SLCO4A1: variants seen among roughly 807,000 people sequenced by gnomAD.
The protein encoded by SLCO4A1 is colon organic anion transporter.
A neutral mutation model predicts 64.6 loss-of-function variants in SLCO4A1; 51 were observed. The observed-to-expected ratio is 0.79, with a 90% CI of 0.63 to 1.00. The LOEUF (loss-of-function observed/expected upper bound fraction) is 1.00, where lower values mean the gene tolerates loss of function less well. SLCO4A1 is among the 50% of genes least tolerant of loss of function. The pLI, the probability that SLCO4A1 is intolerant of heterozygous loss-of-function variation, is 0.00. For missense variants in SLCO4A1, 919 were observed against 980.5 expected, an observed-to-expected ratio of 0.94 and a Z score of 0.84; for synonymous variants, 471 against 444.9, an observed-to-expected ratio of 1.06 and a Z score of -0.74.
At chr20:62,671,222 C>T (rs758304663) in intron 11 of SLCO4A1, among the ~76,000 whole-genome samples, 14 of 152,350 alleles carry the variant, frequency 9.2e-5, no homozygotes, top group Admixed American at 3.3e-4. Context: ...GACAAAGGAC[C>T]GCAAGCGGGG....
Position 62,645,782 on chromosome 20 carries a change from C to T in SLCO4A1, c.-97+3229C>T, listed in dbSNP as rs777625054. The stretch of plus-strand genomic sequence containing the variant: ...AGCCCAGATTCCTCTCCCTCCCACG[C>T]GCAGCCAGGCCCTTCCTGCCCACGG... On this transcript the variant is annotated intron_variant, in intron 1 of 11. Transcript: ENST00000217159. This position sits in a 1 kb window ranked among gnomAD's most constrained non-coding sequence, Gnocchi z 4.2. 1.3e-5 allele frequency among the ~76,000 whole-genome samples: 2 copies of T among 151,736 alleles called. No individual in the cohort carries two copies. The highest frequency in any genetic ancestry group is 2.9e-5 in the Non-Finnish European group (2 of 67,926).
At position 62,661,325 on chromosome 20, in the gene SLCO4A1, C is replaced by T. The variant is rs1984791003; in HGVS notation, c.1121+150C>T. 9.5e-6 allele frequency: 6 copies of T among 628,754 alleles called. No individual in the cohort carries two copies. Among genetic ancestry groups the T allele is most frequent in the South Asian group, 9.2e-5 (5 of 54,348 alleles). The allele number at this position is 628,754 out of a possible 1,614,324, so 38.9% of individuals were successfully genotyped here. A position where few individuals can be genotyped will look rare whatever the true frequency, so the allele number is the denominator to read the frequency against. On this transcript the variant is annotated intron_variant, in intron 5 of 11. Coordinates refer to ENST00000217159, the MANE Select transcript of SLCO4A1 (RefSeq NM_016354.4). The surrounding 1 kb of genome is among the most constrained non-coding windows in gnomAD (Gnocchi z 5.2). ...CCTGGGCCAAGAGATTAAGGAGCAA[C>T]AGATAGAGCCTCTGGGCCAGGGGCC...
downstream of SLCO4A1, chr20:62,672,363 G>T: frequency 1.2e-6 from 1 of 867,168 alleles, no homozygotes; most frequent in Non-Finnish European, 1.4e-6. Context: ...CTTGGCCCAC[G>T]TCCTGTAGTC....
At chr20:62,683,702 C>A (rs1365546652) in intron 2 of SLCO4A1, among the ~76,000 whole-genome samples, 4 of 152,204 alleles carry the variant, frequency 2.6e-5, no homozygotes, top group East Asian at 1.9e-4. Flanking sequence ...GAGCAACGGG[C>A]GACACCATGT....
intron 1 of SLCO4A1, among the ~76,000 whole-genome samples, chr20:62,647,225 A>T (rs773467444): frequency 2.0e-5 from 3 of 152,192 alleles, no homozygotes; most frequent in African/African-American, 7.2e-5. Context: ...TTGGAGATAG[A>T]GGAGAGAGTC....
chr20:62,643,196 G>T (rs1980708360), intron 1 of SLCO4A1: 1 of 353,434 alleles, frequency 2.8e-6, no homozygotes, highest in Non-Finnish European at 5.8e-6. Context: ...ACCACGCGAC[G>T]TCCTGGCCGT....
intron 1 of SLCO4A1, chr20:62,649,208 C>T (rs1403526712): frequency 5.3e-5 from 8 of 152,280 alleles, no homozygotes; most frequent in Non-Finnish European, 5.9e-5. Flanking sequence ...CCAAGAAGAG[C>T]TGGCATTTCA....
chr20:62,671,789 T>C lies in SLCO4A1; in HGVS notation c.2065T>C (p.Tyr689His), dbSNP rs1396817838. 26 of 1,613,572 alleles carry C rather than the reference T, an allele frequency of 1.6e-5. No homozygotes were observed. The highest frequency in any genetic ancestry group is 2.2e-5 in the East Asian group (1 of 44,896). The change falls in exon 12 of 12, where the codon TAC becomes CAC. Residue 689 changes from tyrosine to histidine, a missense_variant. Tyr to His is a moderately conservative substitution (Grantham distance 83). Coordinates refer to ENST00000217159, the MANE Select transcript of SLCO4A1 (RefSeq NM_016354.4). Reference sequence around the variant, plus strand: ...CTTCTTTGCCATAGCCTGCTTCTTATACAAGCCCCTGTCGGAGTCTTCAGA... The same window carrying C: ...CTTCTTTGCCATAGCCTGCTTCTTACACAAGCCCCTGTCGGAGTCTTCAGA... ...VLFFAIACFL[Y>H]KPLSESSDGL...
intron 2 of SLCO4A1, among the ~76,000 whole-genome samples, chr20:62,684,752 G>A (rs1198759616): frequency 6.6e-6 from 1 of 151,996 alleles, no homozygotes; most frequent in Non-Finnish European, 1.5e-5. Context: ...CCGCCAGGGC[G>A]ATCAGGGGTC....
At chr20:62,689,203 G>A (rs1401478423), downstream of SLCO4A1, among the ~76,000 whole-genome samples, 1 of 150,836 alleles carries the variant, frequency 6.6e-6, no homozygotes, top group Non-Finnish European at 1.5e-5. Flanking sequence ...CGCCTCATAG[G>A]CTTGTCCCTG....
At chr20:62,669,109 C>A in intron 11 of SLCO4A1, 31 bp downstream of exon 11, 1 of 1,599,892 alleles carries the variant, frequency 6.3e-7, no homozygotes, top group South Asian at 1.1e-5. Flanking sequence ...GACAGAGGGT[C>A]TGCTCTGAGG....
At chr20:62,649,415 T>C (rs138947431) in intron 1 of SLCO4A1, 4 of 152,440 alleles carry the variant, frequency 2.6e-5, no homozygotes, top group African/African-American at 9.6e-5. Context: ...CTTGGCTAAA[T>C]GTCTAGGCAC....
chr20:62,670,853 G>A (rs528499123), intron 11 of SLCO4A1, among the ~76,000 whole-genome samples: 1 of 152,228 alleles, frequency 6.6e-6, no homozygotes, highest in Admixed American at 6.5e-5. Context: ...GTCCTGCACC[G>A]AGTCAAAACA....
rs982828359 is a variant in SLCO4A1 at position 62,672,182 on chromosome 20, C to G, written c.*289C>G. ...GTGTGGTGTGCGTGAGGACAAACTCCGCAGGGGCTGTGAATCCCACTGGGA... is the reference window on the plus strand; with the variant it reads ...GTGTGGTGTGCGTGAGGACAAACTCGGCAGGGGCTGTGAATCCCACTGGGA... On this transcript the variant is annotated 3_prime_UTR_variant, in exon 12 of 12. Transcript: ENST00000217159. The G allele has an allele frequency of 3.8e-6, 5 of 1,315,588 alleles. No homozygotes were observed. In the African/African-American group the frequency reaches 4.5e-5, roughly 12 times the overall value. 81.5% of individuals were successfully genotyped at this position (1,315,588 alleles called of 1,614,324 possible).
chr20:62,676,064 C>T (rs1987577919), downstream of SLCO4A1, among the ~76,000 whole-genome samples: 4 of 152,312 alleles, frequency 2.6e-5, no homozygotes, highest in South Asian at 2.1e-4. Context: ...CAGCTGGAAA[C>T]GTCAAATTTT....
Position 62,661,118 on chromosome 20 carries a change from G to T in SLCO4A1, c.1064G>T (p.Ser355Ile). 1 of 1,592,880 alleles carries T rather than the reference G, an allele frequency of 6.3e-7. No homozygotes were observed. The highest frequency in any genetic ancestry group is 8.6e-7 in the Non-Finnish European group (1 of 1,166,416). Residue 355 changes from serine (S) to isoleucine (I), a missense_variant, in exon 5 of 12, where the codon AGC (serine) becomes ATC (isoleucine). Ser to Ile is a moderately radical substitution (Grantham distance 142). Transcript: ENST00000217159. This position sits in a 1 kb window ranked among gnomAD's most constrained non-coding sequence, Gnocchi z 5.2. ...RAAEMHQLKD[S>I]SRGEASNPDF... is the part of the protein sequence containing the mutation. The stretch of plus-strand genomic sequence containing the variant: ...GCGGAAATGCACCAGTTGAAGGACA[G>T]CAGCCGTGGGGAGGCGAGCAACCCG...
Position 62,664,923 on chromosome 20 carries a change from C to T in SLCO4A1, c.1122-11C>T, listed in dbSNP as rs112024334. The T allele has an allele frequency of 1.1e-3, 1,692 of 1,593,272 alleles. 15 individuals are homozygous for T. The African/African-American group carries it at 0.016, about 15-fold the overall frequency. On this transcript the variant is annotated splice_polypyrimidine_tract_variant and intron_variant, in intron 5 of 11. Coordinates refer to ENST00000217159, the MANE Select transcript of SLCO4A1 (RefSeq NM_016354.4). ...CCTCAGTCTCTTCTCCACACCCCCA[C>T]CTCTGCCCAGCTCCATCTGGCTCCT...
At chr20:62,668,205 C>G in intron 9 of SLCO4A1, 21 bp downstream of exon 9, 1 of 1,613,108 alleles carries the variant, frequency 6.2e-7, no homozygotes, top group Non-Finnish European at 8.5e-7. Context: ...GTCGGGTGTG[C>G]GCTTGTCCAG....
chr20:62,665,922 T>G (rs1986145498), intron 6 of SLCO4A1: 1 of 158,748 alleles, frequency 6.3e-6, no homozygotes, highest in South Asian at 1.8e-4. Flanking sequence ...TTTTTACTGT[T>G]GGTGGCCACT....
Sources: allele counts gnomAD v4.1 joint callset (sites outside exome capture counted in the v4.1 genomes callset), GRCh38; gene constraint gnomAD v4.1.1; non-coding constraint Gnocchi (gnomAD v3.1); transcripts MANE v1.5; gene names NCBI Gene and HGNC (gene_info 2026-07-23, HGNC 2026-07-21).